CLSTN1: variants seen among roughly 807,000 people sequenced by gnomAD.
The protein encoded by CLSTN1 is calsyntenin 1.
In CLSTN1, 28 loss-of-function variants were observed where a neutral mutation model predicts 108.3. The observed-to-expected ratio is 0.26, with a 90% CI of 0.19 to 0.35. The LOEUF is 0.35. Ranked by LOEUF, CLSTN1 falls within the 10% of genes least tolerant of loss-of-function variation. The pLI is 1.00. For missense variants in CLSTN1, 1,157 were observed against 1,302.6 expected (o/e 0.89, Z 1.72); for synonymous variants, 524 against 534.9 (o/e 0.98, Z 0.28).
chr1:9,731,040 T>A, intron 18 of CLSTN1, 166 bp downstream of exon 18: 1 of 767,078 alleles, frequency 1.3e-6, no homozygotes, highest in East Asian at 2.6e-5. Flanking sequence ...TTGAATAAGG[T>A]CTCTCTCAGC....
chr1:9,733,949 C>A (rs751414713), intron 15 of CLSTN1, 23 bp downstream of exon 15: 22 of 1,591,282 alleles, frequency 1.4e-5, no homozygotes, highest in Non-Finnish European at 1.8e-5. Flanking sequence ...GGCCCACCTG[C>A]GTGGCTGCAG....
chr1:9,775,356 C>T (rs947949469), intron 1 of CLSTN1, among the ~76,000 whole-genome samples: 5 of 151,682 alleles, frequency 3.3e-5, no homozygotes, highest in Admixed American at 6.6e-5. Flanking sequence ...GGTGATGGCC[C>T]GGATCACTGG....
At chr1:9,759,626 G>C (rs1651974525) in intron 2 of CLSTN1, among the ~76,000 whole-genome samples, 1 of 152,218 alleles carries the variant, frequency 6.6e-6, no homozygotes, top group Non-Finnish European at 1.5e-5. Flanking sequence ...ACACAGACAT[G>C]CTCATTTGTT....
chr1:9,736,116 G>T, intron 11 of CLSTN1, 74 bp from the exon 12 acceptor site: 1 of 1,573,756 alleles, frequency 6.4e-7, no homozygotes, highest in Non-Finnish European at 8.7e-7. Flanking sequence ...CACTCAACAC[G>T]GTGTTACCGG....
intron 1 of CLSTN1, among the ~76,000 whole-genome samples, chr1:9,798,824 A>G (rs1174171409): frequency 6.6e-6 from 1 of 152,176 alleles, no homozygotes; most frequent in East Asian, 1.9e-4. Context: ...AAACTGAAAA[A>G]TCAAGAACTA....
intron 1 of CLSTN1, among the ~76,000 whole-genome samples, chr1:9,797,487 T>A (rs913971517): frequency 3.9e-5 from 6 of 152,030 alleles, no homozygotes; most frequent in Non-Finnish European, 8.8e-5. Context: ...TAAATTTTTT[T>A]AAAATTAGCC....
chr1:9,760,656 A>G (rs1189149246), intron 2 of CLSTN1, among the ~76,000 whole-genome samples: 1 of 147,180 alleles, frequency 6.8e-6, no homozygotes, highest in African/African-American at 2.5e-5. Context: ...AGTAGCTCAG[A>G]CCACAGGTGC....
chr1:9,811,866 G>A lies in CLSTN1; in HGVS notation c.91+11777C>T, dbSNP rs565646030. 4.6e-5 allele frequency among the ~76,000 whole-genome samples: 7 copies of A among 152,170 alleles called. 1 individual carries two copies. The highest frequency in any genetic ancestry group is 2.0e-4 in the Admixed American group (3 of 15,282). ...TTAAAAGTAAACATAGGCCAGGGGC[G>A]ATGGCTCACGCCTGTAATCACAGCA... On this transcript the variant is annotated intron_variant, in intron 1 of 18. Coordinates refer to ENST00000377298, the MANE Select transcript of CLSTN1 (RefSeq NM_001009566.3).
At chr1:9,761,718 T>A (rs973750795) in intron 2 of CLSTN1, among the ~76,000 whole-genome samples, 1 of 152,182 alleles carries the variant, frequency 6.6e-6, no homozygotes, top group African/African-American at 2.4e-5. Flanking sequence ...GTCTTCTTCC[T>A]AATCTGAGGA....
rs1653234951 is a variant in CLSTN1 at position 9,781,347 on chromosome 1, A to T, written c.92-7953T>A. The T allele has an allele frequency of 4.1e-5, 21 of 506,028 alleles. 1 individual carries two copies. In the South Asian group the frequency reaches 6.5e-4, roughly 16 times the overall value. The allele number at this position is 506,028 out of a possible 1,614,324, so 31.3% of individuals were successfully genotyped here. ...ATACTGAATGCAGCAGTGTAGAAAAATTTTCCTTTTTAAAAGAATTATAAA... is the reference window on the plus strand; with the variant it reads ...ATACTGAATGCAGCAGTGTAGAAAATTTTTCCTTTTTAAAAGAATTATAAA... On this transcript the variant is annotated intron_variant, in intron 1 of 18. Transcript: ENST00000377298.
intron 1 of CLSTN1, among the ~76,000 whole-genome samples, chr1:9,801,607 C>T (rs574753005): frequency 2.0e-5 from 3 of 152,204 alleles, no homozygotes; most frequent in African/African-American, 7.2e-5. Context: ...CAGGCTGGAG[C>T]GCAGTGGCAC....
chr1:9,803,252 T>C (rs201378946), intron 1 of CLSTN1, among the ~76,000 whole-genome samples: 94 of 152,212 alleles, frequency 6.2e-4, no homozygotes, highest in Admixed American at 1.1e-3. Context: ...TTAGATAACC[T>C]CTCAAGGGGA....
chr1:9,756,637 C>A lies in CLSTN1; in HGVS notation c.215-127G>T, dbSNP rs979074247. The A allele has an allele frequency of 8.4e-6, 6 of 711,018 alleles. No individual in the cohort carries two copies. In the African/African-American group the frequency reaches 1.1e-4, roughly 13 times the overall value. 44.0% of individuals were successfully genotyped at this position (711,018 alleles called of 1,614,324 possible). ...CACCAAGCTCAGCGACCGGCTTCTA[C>A]GATTGCTACAGCAAAACCTAATCTT... is the stretch of plus-strand genomic sequence containing the variant. On this transcript the variant is annotated intron_variant, in intron 2 of 18. Transcript: ENST00000377298.
intron 4 of CLSTN1, 126 bp downstream of exon 4, chr1:9,754,988 T>C: frequency 1.4e-6 from 1 of 703,212 alleles, no homozygotes; most frequent in South Asian, 1.9e-5. Context: ...TTGTAGACAC[T>C]TGAGAACTAT....
At chr1:9,738,828 T>C (rs1277202855) in intron 10 of CLSTN1, among the ~76,000 whole-genome samples, 1 of 152,146 alleles carries the variant, frequency 6.6e-6, no homozygotes, top group Non-Finnish European at 1.5e-5. Context: ...TTTGTATTTT[T>C]AGTAGAGGCA....
chr1:9,755,486 G>A (rs941172577), intron 3 of CLSTN1, among the ~76,000 whole-genome samples, 177 bp from the exon 4 acceptor site: 3 of 152,102 alleles, frequency 2.0e-5, no homozygotes, highest in Non-Finnish European at 4.4e-5. Flanking sequence ...GGAAGTTCTC[G>A]GGCTTTAGTA....
upstream of CLSTN1, chr1:9,824,053 A>AGGCGCGCGCGC (rs1337113696): frequency 1.4e-5 from 2 of 141,492 alleles, no homozygotes. This position sits in a 1 kb window ranked among gnomAD's most constrained non-coding sequence, Gnocchi z 5.0. Context: ...GAGCGACGCG[A>AGGCGCGCGCGC]GGCGCGCGCG....
chr1:9,811,754 G>A (rs1177916480), intron 1 of CLSTN1, among the ~76,000 whole-genome samples: 1 of 150,602 alleles, frequency 6.6e-6, no homozygotes, highest in Non-Finnish European at 1.5e-5. Context: ...AAAAAGAGTA[G>A]GGATTATCCA....
In CLSTN1 at chr1:9,730,782, CCA is replaced by C. The variant is rs1351232942; in HGVS notation, c.2749-79_2749-78del. On this transcript the variant is annotated intron_variant, in intron 18 of 18. Coordinates refer to ENST00000377298, the MANE Select transcript of CLSTN1 (RefSeq NM_001009566.3). The surrounding 1 kb of genome is among the most constrained non-coding windows in gnomAD (Gnocchi z 5.6). ...TCACCTGGCATTCTCCTCTCGACAG[CCA>C]CAGAGGAAGGAGAACTTGCCCCAGC... 3 of 1,367,836 alleles carry C rather than the reference CCA, an allele frequency of 2.2e-6. No homozygotes were observed. In the African/African-American group the frequency reaches 4.3e-5, roughly 20 times the overall value. The allele number at this position is 1,367,836 out of a possible 1,614,324, so 84.7% of individuals were successfully genotyped here.
Sources: gnomAD v4.1 joint callset for allele counts (sites outside exome capture counted in the v4.1 genomes callset) on GRCh38, gnomAD v4.1.1 for gene constraint, Gnocchi (gnomAD v3.1) non-coding constraint, MANE v1.5 for transcripts, NCBI Gene and HGNC (gene_info 2026-07-23, HGNC 2026-07-21) for gene names.